LRIG2: variants seen among roughly 807,000 people sequenced by gnomAD.
The protein encoded by LRIG2 is leucine rich repeats and immunoglobulin like domains 2.
Under a neutral mutation model 107.8 loss-of-function variants are expected in LRIG2, and 93 were observed. The observed-to-expected ratio is 0.86, with a 90% confidence interval of 0.73 to 1.03. LRIG2 has a LOEUF of 1.03. Among genes scored for constraint, LRIG2 ranks in the 50% least tolerant of loss-of-function variants. The pLI is 0.00. For missense variants in LRIG2, 1,226 were observed against 1,296.0 expected (o/e 0.95, Z 0.83); for synonymous variants, 471 against 470.6 (o/e 1.00, Z -0.01).
intron 13 of LRIG2, 118 bp from the exon 14 acceptor site, chr1:113,112,361 C>A: frequency 1.1e-6 from 1 of 906,150 alleles, no homozygotes; most frequent in Non-Finnish European, 1.7e-6. Context: ...CCTGTCTTCA[C>A]AAAGAAATGG....
intron 14 of LRIG2, among the ~76,000 whole-genome samples, chr1:113,113,527 C>CATTT (rs71590539): frequency 0.063 from 8,684 of 138,362 alleles, 400 homozygotes; most frequent in African/African-American, 0.13. Flanking sequence ...AATAAGAAGT[C>CATTT]ATTTATTTAT....
Position 113,114,788 on chromosome 1 carries a change from C to CTG in LRIG2, c.2443_2444dup (p.Cys816AlafsTer8), listed in dbSNP as rs769602901. ...TTGGCATTGTCATCATTGTTGTGGT[C>CTG]TGCTGTGTTGTTGGCACTTCTTTGA... On this transcript the variant is annotated frameshift_variant, in exon 15 of 18. Transcript: ENST00000361127. LOFTEE classifies it high-confidence loss of function. 6.2e-7 allele frequency: 1 copy of CTG among 1,614,112 alleles called. No homozygotes were observed. The highest frequency in any genetic ancestry group is 8.5e-7 in the Non-Finnish European group (1 of 1,180,028).
At chr1:113,119,148 G>A in intron 16 of LRIG2, 85 bp from the exon 17 acceptor site, 1 of 1,297,014 alleles carries the variant, frequency 7.7e-7, no homozygotes, top group Non-Finnish European at 1.1e-6. Context: ...TAGCAATGAT[G>A]ATGACAACTT....
At chr1:113,123,526 A>T (rs1345479647) in intron 17 of LRIG2, among the ~76,000 whole-genome samples, 1 of 152,216 alleles carries the variant, frequency 6.6e-6, no homozygotes, top group Non-Finnish European at 1.5e-5. Flanking sequence ...GTGAGCCGAG[A>T]TGACGCCATT....
chr1:113,073,647 T>G lies in LRIG2; in HGVS notation c.239+2T>G. ...GCTGCCCCCCGACACCGCTATCCTG[T>G]GAGTAGAGCGGCCAGGCAGAGTGAC... On this transcript the variant is annotated splice_donor_variant, in intron 1 of 17. Coordinates refer to ENST00000361127, the MANE Select transcript of LRIG2 (RefSeq NM_014813.3). LOFTEE classifies it high-confidence loss of function. The G allele has an allele frequency of 6.2e-7, 1 of 1,607,994 alleles. No homozygotes were observed. Among genetic ancestry groups the G allele is most frequent in the Non-Finnish European group, 8.5e-7 (1 of 1,177,134 alleles).
In LRIG2 at chr1:113,123,727, T is replaced by TTTTTTTTGTGTG. The variant is rs1437564600; in HGVS notation, c.2972-147_2972-146insTTTTTTGTGTGT. The TTTTTTTTGTGTG allele has an allele frequency of 4.2e-5, 25 of 597,180 alleles. 1 individual carries two copies. The African/African-American group carries it at 4.9e-4, about 12-fold the overall frequency. The allele number at this position is 597,180 out of a possible 1,614,324, so 37.0% of individuals were successfully genotyped here. A position where few individuals can be genotyped will look rare whatever the true frequency, so the allele number is the denominator to read the frequency against. ...AAAGACCATGTTCTGGTGGTGGTTT[T>TTTTTTTTGTGTG]TGTGTGTGTGTGTGTGTGTGTGTGT... is the stretch of plus-strand genomic sequence containing the variant. On this transcript the variant is annotated intron_variant, in intron 17 of 17. Transcript: ENST00000361127.
At chr1:113,118,498 T>A (rs1655109672) in intron 16 of LRIG2, among the ~76,000 whole-genome samples, 1 of 152,184 alleles carries the variant, frequency 6.6e-6, no homozygotes, top group Admixed American at 6.5e-5. Context: ...CTTAGTTTGC[T>A]TAAGCCAAGC....
Position 113,084,673 on chromosome 1 carries a change from A to G in LRIG2, c.240-6645A>G, listed in dbSNP as rs1314968291. ...ATCAAAGGATTACTTGTATATTAAGATAATCACTTGGTTTCCTAATGCTAG... is the reference window on the plus strand; with the variant it reads ...ATCAAAGGATTACTTGTATATTAAGGTAATCACTTGGTTTCCTAATGCTAG... On this transcript the variant is annotated intron_variant, in intron 1 of 17. Transcript: ENST00000361127. Among the ~76,000 whole-genome samples the G allele has an allele frequency of 2.0e-5, 3 of 152,200 alleles. No homozygotes were observed. The South Asian group carries it at 6.2e-4, about 31-fold the overall frequency.
chr1:113,115,561 C>T (rs2101062556), intron 15 of LRIG2, among the ~76,000 whole-genome samples: 1 of 148,834 alleles, frequency 6.7e-6, no homozygotes, highest in South Asian at 2.1e-4. Flanking sequence ...TAGAGTCTCG[C>T]TCTGTTGCCA....
In LRIG2 at chr1:113,073,289, C is replaced by G; in HGVS notation, c.-118C>G. 2.4e-6 allele frequency: 2 copies of G among 845,826 alleles called. No individual in the cohort carries two copies. The highest frequency in any genetic ancestry group is 2.1e-5 in the Admixed American group (1 of 48,688). 52.4% of individuals were successfully genotyped at this position (845,826 alleles called of 1,614,324 possible). A position where few individuals can be genotyped will look rare whatever the true frequency, so the allele number is the denominator to read the frequency against. On this transcript the variant is annotated 5_prime_UTR_variant, in exon 1 of 18. Transcript: ENST00000361127. ...CCTTGCATGCCTTTAGATGGTACAG[C>G]CTTCAGCCGGGGCTTCGGGAGACAG...
rs554519463 is a variant in LRIG2, at chr1:113,082,392, C to T, written c.239+8747C>T. On this transcript the variant is annotated intron_variant, in intron 1 of 17. Transcript: ENST00000361127. ...CACAATTATACCCTGGTGTATTAGT[C>T]TCTTGCACTGCTATATACAATTAAA... Among the ~76,000 whole-genome samples the T allele has an allele frequency of 1.8e-4, 28 of 152,274 alleles. No homozygotes were observed. The South Asian group carries it at 5.4e-3, about 29-fold the overall frequency.
Position 113,106,185 on chromosome 1 carries a change from G to A in LRIG2, c.1314-1409G>A, listed in dbSNP as rs1324034982. ...GGAGGTTGCAGTGGGCCGAGATTGC[G>A]CCACTGCACTCCAGCCTGGGCAACA... On this transcript the variant is annotated intron_variant, in intron 11 of 17. Transcript: ENST00000361127. Among the ~76,000 whole-genome samples the A allele has an allele frequency of 7.9e-5, 12 of 151,344 alleles. No homozygotes were observed. The East Asian group carries it at 2.2e-3, about 28-fold the overall frequency.
intron 1 of LRIG2, among the ~76,000 whole-genome samples, chr1:113,074,750 TACAAAAAA>T (rs1056882587): frequency 4.0e-5 from 6 of 150,654 alleles, no homozygotes; most frequent in African/African-American, 1.5e-4. Context: ...CTACTAAAAA[TACAAAAAA>T]ATTAGCTGGG....
At chr1:113,112,788 C>A in intron 14 of LRIG2, 28 bp downstream of exon 14, 1 of 1,561,778 alleles carries the variant, frequency 6.4e-7, no homozygotes, top group Non-Finnish European at 8.7e-7. Flanking sequence ...TGGGTCCCTG[C>A]TTTTGTTGGA....
In LRIG2 at chr1:113,116,304, G is replaced by A. The variant is rs1557919200; in HGVS notation, c.2548G>A (p.Ala850Thr). ...TTTTACAGAGGAGCTCAATCTGCCT[G>A]CAGACATTCCCAGCTACTTGTCTTC... ...ITNTEELNLP[A>T]DIPSYLSSQG... Residue 850 changes from alanine to threonine, a missense_variant, in exon 16 of 18, where the codon GCA becomes ACA. Transcript: ENST00000361127. 1 of 1,613,540 alleles carries A rather than the reference G, an allele frequency of 6.2e-7. No homozygotes were observed. The highest frequency in any genetic ancestry group is 1.7e-5 in the Admixed American group (1 of 59,936).
In LRIG2 at chr1:113,124,347, A is replaced by C; in HGVS notation, c.*246A>C. 1.9e-6 allele frequency: 1 copy of C among 539,262 alleles called. No individual in the cohort carries two copies. Among genetic ancestry groups the C allele is most frequent in the Non-Finnish European group, 3.3e-6 (1 of 299,278 alleles). 33.4% of individuals were successfully genotyped at this position (539,262 alleles called of 1,614,324 possible). On this transcript the variant is annotated 3_prime_UTR_variant, in exon 18 of 18. Transcript: ENST00000361127. ...ACCGGCAGAGGGAAGATACGGGGCA[A>C]ATGTGCTTCCTGATGCTTCCATGGG...
chr1:113,091,074 C>G (rs1653799502), intron 1 of LRIG2, among the ~76,000 whole-genome samples: 1 of 151,588 alleles, frequency 6.6e-6, no homozygotes, highest in Non-Finnish European at 1.5e-5. Context: ...AACTCCTGAC[C>G]TCAGGTGATC....
At chr1:113,118,757 C>T (rs533478034) in intron 16 of LRIG2, among the ~76,000 whole-genome samples, 100 of 152,144 alleles carry the variant, frequency 6.6e-4, no homozygotes, top group Admixed American at 1.3e-3. Flanking sequence ...CTCCGCCTCC[C>T]GGGTTCACGC....
In LRIG2 at chr1:113,094,091, G is replaced by T. The variant is rs533203761; in HGVS notation, c.516-248G>T. Among the ~76,000 whole-genome samples, 27 of 152,272 alleles carry T rather than the reference G, an allele frequency of 1.8e-4. 1 individual carries two copies. Among genetic ancestry groups the T allele is most frequent in the African/African-American group, 5.8e-4 (24 of 41,562 alleles). On this transcript the variant is annotated intron_variant, in intron 4 of 17. Coordinates refer to ENST00000361127, the MANE Select transcript of LRIG2 (RefSeq NM_014813.3). ...GGCTTACTGTATATAATGATAATTA[G>T]CATGTGTGCCAGTGTTTTCCAGTTT...
Sources: allele counts gnomAD v4.1 joint callset (sites outside exome capture counted in the v4.1 genomes callset), GRCh38; gene constraint gnomAD v4.1.1; transcripts MANE v1.5; gene names NCBI Gene and HGNC (gene_info 2026-07-23, HGNC 2026-07-21).